Variants in CADM2 observed in about 807,000 individuals in gnomAD.
The protein encoded by CADM2 is immunoglobulin superfamily member 4D.
A neutral mutation model predicts 49.8 loss-of-function variants in CADM2; 12 were observed. That is an observed-to-expected ratio of 0.24 (90% CI 0.15 to 0.39). The LOEUF is 0.39. Among genes scored for constraint, CADM2 ranks in the 10% least tolerant of loss-of-function variants. CADM2 has a pLI of 1.00. For missense variants in CADM2, 378 were observed against 492.3 expected (o/e 0.77, Z 2.20); for synonymous variants, 214 against 175.4 (o/e 1.22, Z -1.74).
At chr3:86,003,744 T>C (rs1478854632) in intron 8 of CADM2, among the ~76,000 whole-genome samples, 2 of 152,126 alleles carry the variant, frequency 1.3e-5, no homozygotes, top group Non-Finnish European at 2.9e-5. Flanking sequence ...AAAGTCTTTG[T>C]CACACTAAGT....
intron 1 of CADM2, among the ~76,000 whole-genome samples, chr3:85,705,515 A>T (rs73147238): frequency 0.21 from 32,093 of 152,114 alleles, 4,169 homozygotes; most frequent in Middle Eastern, 0.29. Context: ...TGTATAGACA[A>T]TTTTAATAAA....
intron 8 of CADM2, among the ~76,000 whole-genome samples, chr3:86,042,294 GT>G (rs1442843394): frequency 1.3e-5 from 2 of 151,856 alleles, no homozygotes; most frequent in Non-Finnish European, 2.9e-5. Flanking sequence ...CCAGGAGCTG[GT>G]TTTTTGAAAA....
intron 1 of CADM2, among the ~76,000 whole-genome samples, chr3:85,142,238 G>A (rs1038601317): frequency 3.9e-5 from 6 of 152,154 alleles, no homozygotes; most frequent in Admixed American, 1.3e-4. Flanking sequence ...TTGGAAATAA[G>A]CTTATCTTCT....
At chr3:85,241,676 A>G (rs1208539193) in intron 1 of CADM2, among the ~76,000 whole-genome samples, 1 of 151,612 alleles carries the variant, frequency 6.6e-6, no homozygotes, top group Non-Finnish European at 1.5e-5. Context: ...TTTGGTAGAA[A>G]TAAGTTATCA....
intron 1 of CADM2, among the ~76,000 whole-genome samples, chr3:85,149,134 A>C (rs2039843004): frequency 6.6e-6 from 1 of 151,852 alleles, no homozygotes. Flanking sequence ...TTAGAAAAAT[A>C]TTTTCCCCCA....
At chr3:85,834,794 C>T (rs1413155833) in intron 3 of CADM2, among the ~76,000 whole-genome samples, 3 of 150,418 alleles carry the variant, frequency 2.0e-5, no homozygotes, top group African/African-American at 7.3e-5. Flanking sequence ...AAGCATTCAT[C>T]AGGAGATTGT....
intron 6 of CADM2, among the ~76,000 whole-genome samples, chr3:85,926,195 G>A (rs1430338848): frequency 6.6e-6 from 1 of 150,804 alleles, no homozygotes; most frequent in Non-Finnish European, 1.5e-5. Flanking sequence ...AGATAATAAA[G>A]TAAATGTAAA....
chr3:85,151,956 A>G (rs1353210508), intron 1 of CADM2, among the ~76,000 whole-genome samples: 1 of 152,210 alleles, frequency 6.6e-6, no homozygotes, highest in African/African-American at 2.4e-5. Context: ...ATCATTGAAT[A>G]TCACAAACTT....
Position 86,069,583 on chromosome 3 carries a change from A to C in CADM2, c.*2800A>C, listed in dbSNP as rs1197740194. 1.3e-5 allele frequency: 2 copies of C among 152,006 alleles called. No homozygotes were observed. The highest frequency in any genetic ancestry group is 2.9e-5 in the Non-Finnish European group (2 of 67,878). The allele number at this position is 152,006 out of a possible 1,614,324, so 9.4% of individuals were successfully genotyped here. The stretch of plus-strand genomic sequence containing the variant: ...AGAAAATAATGACATAATATTTCTA[A>C]ATGAGAATGATGTCAATTTCATTGT... On this transcript the variant is annotated 3_prime_UTR_variant, in exon 10 of 10. Transcript: ENST00000383699.
intron 1 of CADM2, among the ~76,000 whole-genome samples, chr3:85,489,526 A>G (rs985862942): frequency 3.9e-5 from 6 of 152,278 alleles, no homozygotes; most frequent in Non-Finnish European, 7.4e-5. Context: ...CATGAACATT[A>G]ATAATCTAGA....
At chr3:85,193,650 C>T (rs1279901718) in intron 1 of CADM2, among the ~76,000 whole-genome samples, 1 of 151,924 alleles carries the variant, frequency 6.6e-6, no homozygotes, top group African/African-American at 2.4e-5. Flanking sequence ...CTTTTCCTAC[C>T]CTAGGTTTTT....
chr3:85,615,563 T>G (rs2107467439), intron 1 of CADM2, among the ~76,000 whole-genome samples: 1 of 152,104 alleles, frequency 6.6e-6, no homozygotes, highest in South Asian at 2.1e-4. Flanking sequence ...TTCTTTTCTT[T>G]CCTTTTATTG....
intron 1 of CADM2, among the ~76,000 whole-genome samples, chr3:85,394,449 G>A (rs1463843432): frequency 6.6e-6 from 1 of 151,918 alleles, no homozygotes; most frequent in Admixed American, 6.6e-5. Flanking sequence ...ATTGGAGCAG[G>A]GTTAAAAATA....
chr3:85,697,782 A>G (rs1376569040), intron 1 of CADM2, among the ~76,000 whole-genome samples: 1 of 152,176 alleles, frequency 6.6e-6, no homozygotes, highest in Non-Finnish European at 1.5e-5. Flanking sequence ...TTATTATAGA[A>G]TATAACAGAT....
At chr3:85,519,931 C>T (rs1485494325) in intron 1 of CADM2, among the ~76,000 whole-genome samples, 2 of 151,990 alleles carry the variant, frequency 1.3e-5, no homozygotes, top group Non-Finnish European at 1.5e-5. Flanking sequence ...AGATTCCACT[C>T]CACTGAGTAA....
intron 1 of CADM2, among the ~76,000 whole-genome samples, chr3:85,529,612 A>G (rs1217081834): frequency 6.6e-6 from 1 of 152,098 alleles, no homozygotes; most frequent in Non-Finnish European, 1.5e-5. Context: ...ACTCATTGCA[A>G]TAAAATTAAA....
chr3:85,557,065 T>C (rs944714170), intron 1 of CADM2, among the ~76,000 whole-genome samples: 1 of 152,076 alleles, frequency 6.6e-6, no homozygotes, highest in Admixed American at 6.6e-5. Context: ...AGATCAGTTA[T>C]GGATTAGCAA....
At chr3:85,225,766 A>G (rs753234541) in intron 1 of CADM2, among the ~76,000 whole-genome samples, 24 of 152,256 alleles carry the variant, frequency 1.6e-4, no homozygotes, top group East Asian at 1.4e-3. Flanking sequence ...TTATTTTGAG[A>G]TATGTTCCAT....
At chr3:85,084,705 TAA>T (rs1439255758) in intron 1 of CADM2, among the ~76,000 whole-genome samples, 1 of 152,138 alleles carries the variant, frequency 6.6e-6, no homozygotes, top group Non-Finnish European at 1.5e-5. Flanking sequence ...ATATGGCTAC[TAA>T]AAAAATTAAA....
Sources: allele counts gnomAD v4.1 joint callset (sites outside exome capture counted in the v4.1 genomes callset), GRCh38; gene constraint gnomAD v4.1.1; transcripts MANE v1.5; gene names NCBI Gene and HGNC (gene_info 2026-07-23, HGNC 2026-07-21).